Variants in LRP2 observed in about 807,000 individuals in gnomAD.
LRP2 encodes the protein low-density lipoprotein receptor-related protein 2.
In LRP2, 172 loss-of-function variants were observed where a neutral mutation model predicts 531.0. That is an observed-to-expected ratio of 0.32 (90% CI 0.29 to 0.37). LRP2 has a LOEUF of 0.37. Among genes scored for constraint, LRP2 ranks in the 10% least tolerant of loss-of-function variants. The probability of loss-of-function intolerance (pLI) is 1.00; values close to 1 mark genes in which losing one functional copy is unlikely to be tolerated. For synonymous variants in LRP2, 1,992 were observed against 2,027.6 expected, an observed-to-expected ratio of 0.98 and a Z score of 0.47; for missense variants, 5,167 against 5,868.3, an observed-to-expected ratio of 0.88 and a Z score of 3.90.
At chr2:169,301,214 C>A (rs1319763963) in intron 4 of LRP2, among the ~76,000 whole-genome samples, 2 of 152,012 alleles carry the variant, frequency 1.3e-5, no homozygotes, top group African/African-American at 4.8e-5. Flanking sequence ...GCAAAATAAT[C>A]TTTTCACTTA....
At chr2:169,166,177 T>G in intron 61 of LRP2, 123 bp from the exon 62 acceptor site, 1 of 972,018 alleles carries the variant, frequency 1.0e-6, no homozygotes, top group Non-Finnish European at 1.6e-6. Context: ...CTCATTTGAT[T>G]AATCAATCAG....
intron 54 of LRP2, 113 bp from the exon 55 acceptor site, chr2:169,175,502 G>T: frequency 1.1e-6 from 1 of 944,670 alleles, no homozygotes; most frequent in Non-Finnish European, 1.7e-6. Context: ...CTCTCTCGTG[G>T]CCCTAGAAGA....
intron 6 of LRP2, among the ~76,000 whole-genome samples, chr2:169,293,290 T>C (rs980398417): frequency 6.6e-6 from 1 of 152,042 alleles, no homozygotes; most frequent in African/African-American, 2.4e-5. Context: ...GTGGCAACAA[T>C]AAGAGAGGTC....
intron 4 of LRP2, 148 bp from the exon 5 acceptor site, chr2:169,294,858 T>G: frequency 1.6e-6 from 1 of 635,302 alleles, no homozygotes; most frequent in East Asian, 2.7e-5. Flanking sequence ...GCTCCCTGGC[T>G]TCATGGAGAG....
chr2:169,228,311 TA>T (rs56358282), intron 31 of LRP2, among the ~76,000 whole-genome samples: 43,295 of 133,052 alleles, frequency 0.33, 6,658 homozygotes, highest in South Asian at 0.57. Context: ...ACTGCAACAG[TA>T]AAAAAAAAAA....
chr2:169,164,234 A>G (rs2268375), intron 62 of LRP2, among the ~76,000 whole-genome samples: 72,326 of 152,054 alleles, frequency 0.48, 17,756 homozygotes, highest in Admixed American at 0.6. Context: ...CCTATCAGGC[A>G]CAGAAGGCAC....
At chr2:169,290,674 C>T (rs958560951) in intron 8 of LRP2, among the ~76,000 whole-genome samples, 171 bp downstream of exon 8, 2 of 152,170 alleles carry the variant, frequency 1.3e-5, no homozygotes, top group Non-Finnish European at 2.9e-5. Context: ...GAGGAACTAC[C>T]TAGCCAACCC....
chr2:169,199,285 A>G, intron 44 of LRP2, among the ~76,000 whole-genome samples: 1 of 152,266 alleles, frequency 6.6e-6, no homozygotes, highest in South Asian at 2.1e-4. Flanking sequence ...ATAAGTAATG[A>G]CAGTATAATC....
In LRP2 at chr2:169,201,662, G is replaced by A. The variant is rs1688206578; in HGVS notation, c.8418C>T (p.Cys2806=). 1 of 1,614,072 alleles carries A rather than the reference G, an allele frequency of 6.2e-7. No individual in the cohort carries two copies. The highest frequency in any genetic ancestry group is 8.5e-7 in the Non-Finnish European group (1 of 1,179,998). The part of the protein sequence containing the change: ...REFICNGVDN[C]HDNNTSDEKN... ...TCTCATCTGAAGTGTTATTATCATG[G>A]CAGTTGTCTACACCATTGCAGATAA... Residue 2806 remains cysteine (C), a synonymous_variant, in exon 44 of 79, where the codon TGC becomes TGT. Transcript: ENST00000649046.
chr2:169,176,489 C>A lies in LRP2; in HGVS notation c.10493G>T (p.Arg3498Leu), dbSNP rs534940314. Residue 3498 changes from arginine to leucine, a missense_variant, in exon 54 of 79, where the codon CGC (arginine) becomes CTC (leucine). This residue lies in a region of LRP2 where 1,129 missense variants were observed against 1,362.7 expected (regional missense o/e 0.83). Coordinates refer to ENST00000649046, the MANE Select transcript of LRP2 (RefSeq NM_004525.3). The part of the protein sequence containing the change: ...GFTCECPDDF[R>L]TLQLSGSTYC... ...GGTGCTGCCACTCAGCTGAAGGGTGCGGAAGTCATCTGGACACTCGCAAGT... is the reference window on the plus strand; with the variant it reads ...GGTGCTGCCACTCAGCTGAAGGGTGAGGAAGTCATCTGGACACTCGCAAGT... 9 of 1,614,092 alleles carry A rather than the reference C, an allele frequency of 5.6e-6. No individual in the cohort carries two copies. The highest frequency in any genetic ancestry group is 3.3e-5 in the South Asian group (3 of 91,090).
Position 169,138,649 on chromosome 2 carries a change from C to T in LRP2, c.13446G>A (p.Gly4482=). The change falls in exon 75 of 79, where the codon GGG becomes GGA. Residue 4482 remains glycine, a synonymous_variant. Transcript: ENST00000649046. ...ENGNGVTFRS[G]ADLNMDIGVS... ...CTCCAATATCCATGTTAAGATCTGC[C>T]CCTGATCTGAAGGTCACCCCATTCC... is the stretch of plus-strand genomic sequence containing the variant. 6.2e-7 allele frequency: 1 copy of T among 1,613,970 alleles called. No individual in the cohort carries two copies. The highest frequency in any genetic ancestry group is 8.5e-7 in the Non-Finnish European group (1 of 1,179,908).
At chr2:169,240,758 A>G (rs1310310062) in intron 25 of LRP2, 2 of 590,026 alleles carry the variant, frequency 3.4e-6, no homozygotes, top group Non-Finnish European at 6.0e-6. Context: ...TGAAACAAAG[A>G]CATAAAAAGA....
intron 72 of LRP2, among the ~76,000 whole-genome samples, chr2:169,140,223 G>A (rs1685668068): frequency 1.3e-5 from 2 of 151,820 alleles, no homozygotes; most frequent in Non-Finnish European, 1.5e-5. Flanking sequence ...GAATCTCTGT[G>A]CGTGAGAATG....
chr2:169,316,631 T>G (rs763783205), intron 3 of LRP2, among the ~76,000 whole-genome samples: 42 of 152,146 alleles, frequency 2.8e-4, no homozygotes, highest in Non-Finnish European at 5.4e-4. Context: ...CAAGGCAACT[T>G]GCAGAGGTCC....
In LRP2 at chr2:169,226,491, T is replaced by C. The variant is rs1465626357; in HGVS notation, c.5325A>G (p.Ala1775=). The C allele has an allele frequency of 6.2e-7, 1 of 1,613,282 alleles. No individual in the cohort carries two copies. The highest frequency in any genetic ancestry group is 8.5e-7 in the Non-Finnish European group (1 of 1,179,284). Residue 1775 remains alanine (A), a synonymous_variant, in exon 32 of 79, where the codon GCA becomes GCG. Transcript: ENST00000649046. ...CAACATCTAAACCATTCTGTATCCCTGCTATGGGGACCATAGCATCATTGC... is the reference window on the plus strand; with the variant it reads ...CAACATCTAAACCATTCTGTATCCCCGCTATGGGGACCATAGCATCATTGC... ...VKSNDAMVPI[A]GIQNGLDVEF...
rs1208835111 is a variant in LRP2 at position 169,127,840 on chromosome 2, C to T, written c.*823G>A. ...AGCTCCAACTACTAGGGCAGGTGAC[C>T]ACCTTGAATGTCAGGTGAGGGGAGA... is the stretch of plus-strand genomic sequence containing the variant. On this transcript the variant is annotated 3_prime_UTR_variant, in exon 79 of 79. Coordinates refer to ENST00000649046, the MANE Select transcript of LRP2 (RefSeq NM_004525.3). The T allele has an allele frequency of 6.6e-6, 1 of 152,272 alleles. No homozygotes were observed. The highest frequency in any genetic ancestry group is 1.5e-5 in the Non-Finnish European group (1 of 68,000). The allele number at this position is 152,272 out of a possible 1,614,324, so 9.4% of individuals were successfully genotyped here.
intron 1 of LRP2, among the ~76,000 whole-genome samples, chr2:169,359,477 C>G (rs1026898714): frequency 6.6e-6 from 1 of 152,008 alleles, no homozygotes; most frequent in African/African-American, 2.4e-5. Flanking sequence ...TTTAGTGATG[C>G]GAAGTTTGCA....
intron 66 of LRP2, among the ~76,000 whole-genome samples, chr2:169,153,752 A>T (rs1322632404): frequency 6.6e-6 from 1 of 152,220 alleles, no homozygotes; most frequent in Non-Finnish European, 1.5e-5. Context: ...ATAAGTTTAC[A>T]GGCACAGAAG....
chr2:169,134,117 G>A (rs775853412), intron 76 of LRP2, among the ~76,000 whole-genome samples: 10 of 152,202 alleles, frequency 6.6e-5, no homozygotes, highest in Admixed American at 2.0e-4. Flanking sequence ...CACAAGAGCC[G>A]GGACCGTGCC....
Sources: gnomAD v4.1 joint callset for allele counts (sites outside exome capture counted in the v4.1 genomes callset) on GRCh38, gnomAD v4.1.1 for gene constraint, gnomAD v4.1.1 regional missense constraint, MANE v1.5 for transcripts, NCBI Gene and HGNC (gene_info 2026-07-23, HGNC 2026-07-21) for gene names.